GRIK1: variants seen among roughly 807,000 people sequenced by gnomAD.
The protein encoded by GRIK1 is glutamate receptor ionotropic, kainate 1.
A neutral mutation model predicts 105.7 loss-of-function variants in GRIK1; 69 were observed. The observed-to-expected ratio is 0.65, with a 90% CI of 0.54 to 0.80. The LOEUF is 0.80. Among genes scored for constraint, GRIK1 ranks in the 30% least tolerant of loss-of-function variants. The probability of loss-of-function intolerance (pLI) is 0.00; values close to 1 mark genes in which losing one functional copy is unlikely to be tolerated. For missense variants in GRIK1, 1,109 were observed against 1,167.3 expected (o/e 0.95, Z 0.73); for synonymous variants, 438 against 431.3 (o/e 1.02, Z -0.19).
intron 7 of GRIK1, among the ~76,000 whole-genome samples, chr21:29,613,756 A>G (rs1209691283): frequency 1.3e-5 from 2 of 152,190 alleles, no homozygotes; most frequent in Admixed American, 6.5e-5. Context: ...TTGATGATAA[A>G]CAAGGTCTGA....
At chr21:29,581,883 A>G (rs2091030763) in intron 12 of GRIK1, among the ~76,000 whole-genome samples, 1 of 152,166 alleles carries the variant, frequency 6.6e-6, no homozygotes, top group African/African-American at 2.4e-5. Flanking sequence ...CATCCCAAGT[A>G]TTTACCCCAC....
At chr21:29,617,271 T>C (rs1436218486) in intron 7 of GRIK1, among the ~76,000 whole-genome samples, 4 of 152,212 alleles carry the variant, frequency 2.6e-5, no homozygotes, top group South Asian at 4.1e-4. Context: ...AATTTAGTTC[T>C]TTTACGGTGT....
intron 1 of GRIK1, among the ~76,000 whole-genome samples, chr21:29,776,997 C>G (rs569830411): frequency 6.6e-6 from 1 of 152,082 alleles, no homozygotes; most frequent in Non-Finnish European, 1.5e-5. Flanking sequence ...AAGGGAAGTA[C>G]AAGACTGGTC....
At chr21:29,665,354 T>C (rs1007805709) in intron 4 of GRIK1, among the ~76,000 whole-genome samples, 2 of 152,164 alleles carry the variant, frequency 1.3e-5, no homozygotes, top group Non-Finnish European at 2.9e-5. Context: ...GGAATATAAA[T>C]AGATTTTAAT....
chr21:29,619,123 CA>C (rs35003722), intron 7 of GRIK1, among the ~76,000 whole-genome samples: 27,045 of 81,626 alleles, frequency 0.33, 3,150 homozygotes, highest in East Asian at 0.36. Context: ...GAGACTCCGT[CA>C]AAAAAAAAAA....
At chr21:29,616,706 T>C (rs1279366954) in intron 7 of GRIK1, among the ~76,000 whole-genome samples, 1 of 152,162 alleles carries the variant, frequency 6.6e-6, no homozygotes, top group Non-Finnish European at 1.5e-5. Flanking sequence ...GCCTCAAAAC[T>C]ACAAAAGACT....
At chr21:29,774,219 C>G (rs1415780588) in intron 1 of GRIK1, among the ~76,000 whole-genome samples, 2 of 152,134 alleles carry the variant, frequency 1.3e-5, no homozygotes, top group Non-Finnish European at 2.9e-5. Context: ...CTTTTGTCCC[C>G]TTGGCTTACA....
chr21:29,585,220 G>A (rs1183301875), intron 12 of GRIK1, among the ~76,000 whole-genome samples: 1 of 152,066 alleles, frequency 6.6e-6, no homozygotes, highest in South Asian at 2.1e-4. Flanking sequence ...GTGGTAGTGG[G>A]GGTACTGTTA....
chr21:29,620,523 T>A (rs1208498982), intron 7 of GRIK1, among the ~76,000 whole-genome samples: 1 of 152,122 alleles, frequency 6.6e-6, no homozygotes, highest in South Asian at 2.1e-4. Flanking sequence ...GGCAAAGCAC[T>A]TCGTTAGACT....
At chr21:29,888,074 G>A (rs74470125) in intron 1 of GRIK1, among the ~76,000 whole-genome samples, 2,846 of 151,668 alleles carry the variant, frequency 0.019, 34 homozygotes, top group Non-Finnish European at 0.03. Context: ...AAAGGACTAG[G>A]AAGAACATCA....
In GRIK1 at chr21:29,576,998, G is replaced by A. The variant is rs746636313; in HGVS notation, c.2096C>T (p.Ala699Val). 35 of 1,611,210 alleles carry A rather than the reference G, an allele frequency of 2.2e-5. No homozygotes were observed. Among genetic ancestry groups the A allele is most frequent in the Middle Eastern group, 1.6e-4 (1 of 6,062 alleles). Reference protein sequence around the residue: ...LAKQTKIEYGAVRDGSTMTFF... With the variant: ...LAKQTKIEYGVVRDGSTMTFF... ...GGTCATTGTTGATCCATCTCTAACC[G>A]CCCCATATTCTATCTTGGTTTGCTT... Residue 699 changes from alanine (A) to valine (V), a missense_variant, in exon 14 of 18, where the codon GCG becomes GTG. Physicochemically the swap from Ala to Val is moderately conservative, Grantham distance 64. Around this residue, in one of 5 missense-constraint regions of GRIK1, gnomAD observed 264 missense variants for 306.9 expected, o/e 0.86. Transcript: ENST00000327783.
intron 16 of GRIK1, among the ~76,000 whole-genome samples, chr21:29,552,746 T>G (rs1285950124): frequency 6.6e-6 from 1 of 152,088 alleles, no homozygotes; most frequent in Non-Finnish European, 1.5e-5. Flanking sequence ...AAAGAAGTAC[T>G]ATATAGCTTG....
intron 14 of GRIK1, among the ~76,000 whole-genome samples, chr21:29,563,683 T>G (rs1218615189): frequency 6.6e-6 from 1 of 152,236 alleles, no homozygotes; most frequent in East Asian, 1.9e-4. Context: ...TGGCAGTAAA[T>G]GCACAGCTGC....
rs1019982915 is a variant in GRIK1, at chr21:29,672,972, A to G, written c.726+11T>C. Reference sequence around the variant, plus strand: ...TATCCCACACCTCCACCTCCTCCCTAGCCCTCTTACCTGCTTAAGGATTTC... The same window carrying G: ...TATCCCACACCTCCACCTCCTCCCTGGCCCTCTTACCTGCTTAAGGATTTC... On this transcript the variant is annotated intron_variant, in intron 4 of 17. Transcript: ENST00000327783. 8.2e-6 allele frequency: 13 copies of G among 1,594,128 alleles called. No individual in the cohort carries two copies. The highest frequency in any genetic ancestry group is 1.0e-5 in the Non-Finnish European group (12 of 1,166,420).
At chr21:29,691,698 T>C (rs527454986) in intron 2 of GRIK1, among the ~76,000 whole-genome samples, 1 of 152,324 alleles carries the variant, frequency 6.6e-6, no homozygotes, top group East Asian at 1.9e-4. Flanking sequence ...AATTAATACA[T>C]AAAATTGTAT....
intron 1 of GRIK1, among the ~76,000 whole-genome samples, chr21:29,833,252 A>T (rs1002693906): frequency 6.6e-6 from 1 of 152,128 alleles, no homozygotes. Context: ...GAAGTTCCAA[A>T]CTTTCCCTCA....
At chr21:29,652,468 A>G (rs984181134) in intron 5 of GRIK1, among the ~76,000 whole-genome samples, 2 of 152,206 alleles carry the variant, frequency 1.3e-5, no homozygotes, top group African/African-American at 4.8e-5. Flanking sequence ...ACTAGAGCAC[A>G]AGGTTACATG....
intron 1 of GRIK1, among the ~76,000 whole-genome samples, chr21:29,804,026 C>T (rs946070523): frequency 2.0e-5 from 3 of 152,062 alleles, no homozygotes; most frequent in Non-Finnish European, 4.4e-5. Context: ...AAACCTGATA[C>T]ACTAAGGCAA....
chr21:29,753,988 T>A (rs2065272047), intron 1 of GRIK1, among the ~76,000 whole-genome samples: 1 of 152,088 alleles, frequency 6.6e-6, no homozygotes, highest in African/African-American at 2.4e-5. Flanking sequence ...AGGAGAAAAA[T>A]CCTTCAAAGT....
Sources: gnomAD v4.1 joint callset for allele counts (sites outside exome capture counted in the v4.1 genomes callset) on GRCh38, gnomAD v4.1.1 for gene constraint, gnomAD v4.1.1 regional missense constraint, MANE v1.5 for transcripts, NCBI Gene and HGNC (gene_info 2026-07-23, HGNC 2026-07-21) for gene names.